The following ZMYM1 variants were observed in gnomAD, a reference collection of about 807,000 sequenced individuals.
ZMYM1 encodes zinc finger MYM-type containing 1, also known as zinc finger MYM-type protein 1.
ZMYM1 carries 39 observed loss-of-function variants against 60.0 expected under a neutral mutation model. That is an observed-to-expected ratio of 0.65 (90% CI 0.50 to 0.85). ZMYM1 has a LOEUF of 0.85. Among genes scored for constraint, ZMYM1 ranks in the 40% least tolerant of loss-of-function variants. The pLI is 0.00. For missense variants in ZMYM1, 1,171 were observed against 1,309.5 expected (o/e 0.89, Z 1.63); for synonymous variants, 413 against 454.0 (o/e 0.91, Z 1.15).
Position 35,104,835 on chromosome 1 carries a change from G to A in ZMYM1, c.807+66G>A, listed in dbSNP as rs1261301182. ...ATGAATGGTTTCACTCTAGGAAAAT[G>A]TGGGAAGTAGTTTTTGGTACCCTTT... On this transcript the variant is annotated intron_variant, in intron 6 of 9. Coordinates refer to ENST00000359858, the MANE Select transcript of ZMYM1 (RefSeq NM_024772.5). 2.6e-5 allele frequency: 36 copies of A among 1,385,564 alleles called. No individual in the cohort carries two copies. The East Asian group carries it at 7.1e-4, about 27-fold the overall frequency. The allele number at this position is 1,385,564 out of a possible 1,614,324, so 85.8% of individuals were successfully genotyped here.
intron 4 of ZMYM1, among the ~76,000 whole-genome samples, chr1:35,099,461 G>A (rs1443989463): frequency 6.6e-6 from 1 of 151,932 alleles, no homozygotes; most frequent in African/African-American, 2.4e-5. Context: ...AGTTCTCCTA[G>A]GCATGGAAAT....
chr1:35,088,117 G>A, intron 1 of ZMYM1, among the ~76,000 whole-genome samples: 1 of 151,256 alleles, frequency 6.6e-6, no homozygotes, highest in Non-Finnish European at 1.5e-5. Flanking sequence ...TCTCTCTTTG[G>A]TTTAAATTAA....
downstream of ZMYM1, among the ~76,000 whole-genome samples, chr1:35,116,067 C>T (rs1414306671): frequency 6.6e-6 from 1 of 150,922 alleles, no homozygotes; most frequent in Non-Finnish European, 1.5e-5. Flanking sequence ...CTCATCACTA[C>T]AATTTTTTTT....
intron 3 of ZMYM1, 41 bp downstream of exon 3, chr1:35,095,932 A>C (rs970419762): frequency 2.2e-6 from 3 of 1,383,538 alleles, no homozygotes; most frequent in Non-Finnish European, 1.0e-6. Flanking sequence ...ATTCAGACCA[A>C]TACGACAGCT....
intron 4 of ZMYM1, among the ~76,000 whole-genome samples, chr1:35,099,635 C>T (rs1279060865): frequency 1.3e-5 from 2 of 152,068 alleles, no homozygotes; most frequent in Non-Finnish European, 2.9e-5. Context: ...TTAAAAATTC[C>T]ACATTAATTA....
intron 1 of ZMYM1, among the ~76,000 whole-genome samples, chr1:35,091,584 G>A (rs1205407178): frequency 1.3e-5 from 2 of 152,032 alleles, no homozygotes; most frequent in African/African-American, 4.8e-5. Flanking sequence ...ACAGCCCATA[G>A]GTGATAGTTG....
At chr1:35,079,944 T>A (rs1393565088) in intron 1 of ZMYM1, among the ~76,000 whole-genome samples, 1 of 152,192 alleles carries the variant, frequency 6.6e-6, no homozygotes, top group East Asian at 1.9e-4. Flanking sequence ...AAACCCCGTC[T>A]CTACTAAAAG....
intron 6 of ZMYM1, among the ~76,000 whole-genome samples, chr1:35,108,156 C>T (rs1643956087): frequency 1.3e-5 from 2 of 151,982 alleles, no homozygotes; most frequent in South Asian, 4.1e-4. Context: ...ACTATTGTTG[C>T]TTAACGTTAA....
At chr1:35,073,338 A>AAAGGAAGGAAGG (rs71029062) in intron 1 of ZMYM1, among the ~76,000 whole-genome samples, 19,996 of 115,376 alleles carry the variant, frequency 0.17, 2,018 homozygotes, top group Non-Finnish European at 0.2. Flanking sequence ...AGAAAGAAAG[A>AAAGGAAGGAAGG]AAGGAAGGAA....
At chr1:35,091,750 C>T (rs1279045044) in intron 1 of ZMYM1, among the ~76,000 whole-genome samples, 2 of 151,272 alleles carry the variant, frequency 1.3e-5, no homozygotes, top group African/African-American at 4.9e-5. Flanking sequence ...AAAAAAATTA[C>T]CTGGGCACTG....
chr1:35,095,042 C>T (rs901653244), intron 2 of ZMYM1, among the ~76,000 whole-genome samples: 2 of 152,040 alleles, frequency 1.3e-5, no homozygotes, highest in African/African-American at 2.4e-5. Context: ...CATCTAGGAA[C>T]TATCTATTGC....
intron 4 of ZMYM1, among the ~76,000 whole-genome samples, chr1:35,098,652 AT>A (rs1225598087): frequency 6.6e-6 from 1 of 152,198 alleles, no homozygotes; most frequent in Non-Finnish European, 1.5e-5. Flanking sequence ...CACGCCTGTT[AT>A]CCTAGCACTT....
At position 35,115,701 on chromosome 1, in the gene ZMYM1, G is replaced by C. The variant is rs1410376772; in HGVS notation, c.*442G>C. On this transcript the variant is annotated 3_prime_UTR_variant, in exon 10 of 10. Coordinates refer to ENST00000359858, the MANE Select transcript of ZMYM1 (RefSeq NM_024772.5). ...CACATTGCACATGAGTGAGTTTACT[G>C]TAAGCTGGAAATCTAAAGTTAGAAT... 6.6e-6 allele frequency: 1 copy of C among 151,768 alleles called. No individual in the cohort carries two copies. Among genetic ancestry groups the C allele is most frequent in the Non-Finnish European group, 1.5e-5 (1 of 68,188 alleles). The allele number at this position is 151,768 out of a possible 1,614,324, so 9.4% of individuals were successfully genotyped here. A position where few individuals can be genotyped will look rare whatever the true frequency, so the allele number is the denominator to read the frequency against.
chr1:35,066,181 A>G (rs1319188659), intron 1 of ZMYM1, among the ~76,000 whole-genome samples: 4 of 152,230 alleles, frequency 2.6e-5, no homozygotes, highest in African/African-American at 9.6e-5. Flanking sequence ...ATATACTGGC[A>G]ATGAACAATT....
At position 35,115,224 on chromosome 1, in the gene ZMYM1, G is replaced by A; in HGVS notation, c.3394G>A (p.Val1132Met). The A allele has an allele frequency of 6.3e-7, 1 of 1,598,056 alleles. No homozygotes were observed. The highest frequency in any genetic ancestry group is 2.2e-5 in the East Asian group (1 of 44,794). Reference sequence around the variant, plus strand: ...GGAGCCTGAAAGACTCAATGAAATTGTGGAAAAGTTTATCAGTCAGATGAA... The same window carrying A: ...GGAGCCTGAAAGACTCAATGAAATTATGGAAAAGTTTATCAGTCAGATGAA... ...LMEPERLNEI[V>M]EKFISQMKEI The change falls in exon 10 of 10, where the codon GTG becomes ATG. Residue 1132 changes from valine (V) to methionine (M), a missense_variant. Transcript: ENST00000359858.
At chr1:35,077,378 G>A (rs1642185155), upstream of ZMYM1, among the ~76,000 whole-genome samples, 1 of 152,110 alleles carries the variant, frequency 6.6e-6, no homozygotes, top group Admixed American at 6.5e-5. Flanking sequence ...GAGGAATTTA[G>A]TTTATAGTTT....
chr1:35,096,138 C>A lies in ZMYM1; in HGVS notation c.169+247C>A, dbSNP rs190696812. On this transcript the variant is annotated intron_variant, in intron 3 of 9. Coordinates refer to ENST00000359858, the MANE Select transcript of ZMYM1 (RefSeq NM_024772.5). ...GACCAGTTTGGCCAACATAGTGAAA[C>A]CCTGTCTCTACTACAAATACAAAAT... Among the ~76,000 whole-genome samples the A allele has an allele frequency of 8.0e-4, 122 of 152,052 alleles. 2 individuals carry two copies. The East Asian group carries it at 0.023, about 29-fold the overall frequency.
At chr1:35,081,243 A>G (rs1364347728) in intron 1 of ZMYM1, among the ~76,000 whole-genome samples, 3 of 152,220 alleles carry the variant, frequency 2.0e-5, no homozygotes, top group African/African-American at 7.2e-5. Context: ...AGCAAAGTGT[A>G]ATGTATAAAG....
intron 8 of ZMYM1, 78 bp downstream of exon 8, chr1:35,111,990 CTTT>C: frequency 1.3e-6 from 2 of 1,545,174 alleles, no homozygotes; most frequent in Non-Finnish European, 1.7e-6. Flanking sequence ...GCTAAATTTT[CTTT>C]TTGTTTCTTA....
Sources: gnomAD v4.1 joint callset for allele counts (sites outside exome capture counted in the v4.1 genomes callset) on GRCh38, gnomAD v4.1.1 for gene constraint, MANE v1.5 for transcripts, NCBI Gene and HGNC (gene_info 2026-07-23, HGNC 2026-07-21) for gene names.